The following CEP20 variants were observed in gnomAD, a reference collection of about 807,000 sequenced individuals.
CEP20 encodes FGFR1OP N-terminal like.
A neutral mutation model predicts 20.0 loss-of-function variants in CEP20; 18 were observed. The observed-to-expected ratio is 0.90, with a 90% CI of 0.62 to 1.34. The LOEUF (loss-of-function observed/expected upper bound fraction) is 1.34. CEP20 is among the 40% of genes most tolerant of loss of function. CEP20 has a pLI of 0.00. For missense variants in CEP20, 215 were observed against 201.6 expected (o/e 1.07, Z -0.40); for synonymous variants, 77 against 73.7 (o/e 1.04, Z -0.23).
intron 1 of CEP20, chr16:15,886,137 A>G (rs1302575975): frequency 6.6e-6 from 1 of 152,216 alleles, no homozygotes; most frequent in Non-Finnish European, 1.5e-5. Context: ...CACCCTGCCA[A>G]AGGCACCAAG....
intron 3 of CEP20, among the ~76,000 whole-genome samples, chr16:15,879,406 G>A (rs1255564044): frequency 1.3e-5 from 2 of 152,138 alleles, no homozygotes; most frequent in African/African-American, 4.8e-5. Flanking sequence ...CTAGCACTTT[G>A]GGAGGCCAAG....
At chr16:15,870,884 T>A (rs2044798722) in intron 4 of CEP20, among the ~76,000 whole-genome samples, 1 of 152,046 alleles carries the variant, frequency 6.6e-6, no homozygotes, top group South Asian at 2.1e-4. Flanking sequence ...TCTACACGTA[T>A]CAACAAGTAA....
intron 1 of CEP20, chr16:15,885,763 A>T (rs1352189070): frequency 2.6e-5 from 4 of 152,228 alleles, no homozygotes; most frequent in Non-Finnish European, 4.4e-5. Context: ...AAGCCTAGTT[A>T]GAAATCTACC....
chr16:15,888,360 T>C (rs1213311998), intron 1 of CEP20, among the ~76,000 whole-genome samples, 198 bp downstream of exon 1: 1 of 152,150 alleles, frequency 6.6e-6, no homozygotes, highest in Non-Finnish European at 1.5e-5. Context: ...AACTCGCCAG[T>C]GGGCAACCTC....
chr16:15,887,315 C>T (rs115788284), intron 1 of CEP20, among the ~76,000 whole-genome samples: 1 of 152,282 alleles, frequency 6.6e-6, no homozygotes, highest in African/African-American at 2.4e-5. Context: ...CATGCCTGTT[C>T]TGTTTTATGA....
At chr16:15,869,095 A>AATG (rs1555463549) in intron 4 of CEP20, among the ~76,000 whole-genome samples, 1 of 150,056 alleles carries the variant, frequency 6.7e-6, no homozygotes, top group Non-Finnish European at 1.5e-5. Context: ...AAGAAAAAAA[A>AATG]TGTGTGTGTG....
intron 2 of CEP20, among the ~76,000 whole-genome samples, chr16:15,882,766 T>TACACACACACACACA (rs1445128148): frequency 5.7e-5 from 6 of 105,612 alleles, no homozygotes; most frequent in African/African-American, 2.2e-4. Context: ...TATCTATCTA[T>TACACACACACACACA]CTATCTATCT....
chr16:15,881,756 A>C (rs188898299), intron 2 of CEP20, among the ~76,000 whole-genome samples: 247 of 152,286 alleles, frequency 1.6e-3, no homozygotes, highest in African/African-American at 5.7e-3. Context: ...AAGTCAGCAG[A>C]AGATATTAAA....
chr16:15,882,876 C>A (rs1266674393), intron 2 of CEP20: 1 of 151,474 alleles, frequency 6.6e-6, no homozygotes, highest in African/African-American at 2.4e-5. Flanking sequence ...GGAGTTGGAC[C>A]AGCCTGTCCA....
Position 15,879,981 on chromosome 16 carries a change from T to C in CEP20, c.227-93A>G, listed in dbSNP as rs990513925. The C allele has an allele frequency of 1.0e-5, 9 of 858,128 alleles. No individual in the cohort carries two copies. In the African/African-American group the frequency reaches 1.1e-4, roughly 10 times the overall value. The allele number at this position is 858,128 out of a possible 1,614,324, so 53.2% of individuals were successfully genotyped here. A position where few individuals can be genotyped will look rare whatever the true frequency, so the allele number is the denominator to read the frequency against. On this transcript the variant is annotated intron_variant, in intron 2 of 4. Coordinates refer to ENST00000255759, the MANE Select transcript of CEP20 (RefSeq NM_144600.4). ...AATCACATTTACCAGACATACACTT[T>C]TTAGATTTTGGAAGAATGATGACAA...
At chr16:15,884,920 C>G (rs1057186880) in intron 1 of CEP20, 1 of 152,062 alleles carries the variant, frequency 6.6e-6, no homozygotes, top group Non-Finnish European at 1.5e-5. Context: ...CCACTGCACA[C>G]AGGTTCTGCT....
At chr16:15,870,139 C>T (rs1390915028) in intron 4 of CEP20, among the ~76,000 whole-genome samples, 1 of 152,162 alleles carries the variant, frequency 6.6e-6, no homozygotes, top group African/African-American at 2.4e-5. Flanking sequence ...CTCAGAAGAA[C>T]AGAAATTGGT....
At chr16:15,870,062 C>G (rs1054557867) in intron 4 of CEP20, among the ~76,000 whole-genome samples, 18 of 152,136 alleles carry the variant, frequency 1.2e-4, no homozygotes, top group African/African-American at 4.1e-4. Context: ...GTCTAGGTGT[C>G]TCTTTCCCTC....
intron 4 of CEP20, among the ~76,000 whole-genome samples, chr16:15,870,387 A>T (rs773745760): frequency 6.6e-5 from 10 of 152,186 alleles, no homozygotes; most frequent in Non-Finnish European, 1.3e-4. Flanking sequence ...AAGTGTATAG[A>T]CTGATAAAGC....
In CEP20 at chr16:15,875,135, A is replaced by G. The variant is rs1013714368; in HGVS notation, c.312-1508T>C. ...ATCTATGTTGTTGTTCTAAGCTACC[A>G]AATTCTGGAATAATATCACACTAAT... On this transcript the variant is annotated intron_variant, in intron 3 of 4. Coordinates refer to ENST00000255759, the MANE Select transcript of CEP20 (RefSeq NM_144600.4). Among the ~76,000 whole-genome samples, 17 of 152,274 alleles carry G rather than the reference A, an allele frequency of 1.1e-4. No individual in the cohort carries two copies. The South Asian group carries it at 2.3e-3, about 20-fold the overall frequency.
chr16:15,880,618 A>G (rs561593779), intron 2 of CEP20, among the ~76,000 whole-genome samples: 1 of 152,290 alleles, frequency 6.6e-6, no homozygotes, highest in East Asian at 1.9e-4. Flanking sequence ...GGCAGACTCA[A>G]AAGGCTACAT....
intron 1 of CEP20, chr16:15,884,966 A>C (rs1000693475): frequency 1.3e-5 from 2 of 152,112 alleles, no homozygotes; most frequent in African/African-American, 4.8e-5. Context: ...AAGATGATTA[A>C]AGAAAACAAC....
At chr16:15,880,356 G>C (rs537684742) in intron 2 of CEP20, among the ~76,000 whole-genome samples, 7 of 152,110 alleles carry the variant, frequency 4.6e-5, no homozygotes, top group African/African-American at 1.7e-4. Flanking sequence ...AAAGGTGAGC[G>C]TGCACTTAAC....
rs552353448 is a variant in CEP20, at chr16:15,870,639, A to T, written c.448+2852T>A. ...GGAGAGTAGCCTGGGCAACAGGACA[A>T]GACCCTGACTGCAAAAAATTAAAAA... is the stretch of plus-strand genomic sequence containing the variant. On this transcript the variant is annotated intron_variant, in intron 4 of 4. Transcript: ENST00000255759. Among the ~76,000 whole-genome samples, 6 of 152,210 alleles carry T rather than the reference A, an allele frequency of 3.9e-5. No homozygotes were observed. The East Asian group carries it at 1.2e-3, about 29-fold the overall frequency.
Sources: gnomAD v4.1 joint callset for allele counts (sites outside exome capture counted in the v4.1 genomes callset) on GRCh38, gnomAD v4.1.1 for gene constraint, MANE v1.5 for transcripts, NCBI Gene and HGNC (gene_info 2026-07-23, HGNC 2026-07-21) for gene names.